ABI3BP: variants seen among roughly 807,000 people sequenced by gnomAD.
ABI3BP encodes the protein ABI family member 3 binding protein.
ABI3BP carries 216 observed loss-of-function variants against 268.6 expected under a neutral mutation model. That is an observed-to-expected ratio of 0.80 (90% CI 0.72 to 0.90). The LOEUF is 0.90. Ranked by LOEUF, ABI3BP falls within the 40% of genes least tolerant of loss-of-function variation. The probability of loss-of-function intolerance (pLI) is 0.00; values close to 1 mark genes in which losing one functional copy is unlikely to be tolerated. For missense variants in ABI3BP, 2,090 were observed against 2,182.4 expected, an observed-to-expected ratio of 0.96 and a Z score of 0.84; for synonymous variants, 730 against 730.0, an observed-to-expected ratio of 1.00 and a Z score of 0.00.
chr3:100,819,494 A>G (rs2098142498), intron 40 of ABI3BP, among the ~76,000 whole-genome samples: 1 of 152,134 alleles, frequency 6.6e-6, no homozygotes, highest in African/African-American at 2.4e-5. Flanking sequence ...TATACTACAG[A>G]GTAAGATGTG....
chr3:100,774,395 G>A (rs1013668808), intron 61 of ABI3BP, among the ~76,000 whole-genome samples: 3 of 152,136 alleles, frequency 2.0e-5, no homozygotes, highest in African/African-American at 7.2e-5. Context: ...AAGAGGCCTA[G>A]CTGTACCTGC....
chr3:100,868,847 A>G (rs2099079340), intron 9 of ABI3BP, among the ~76,000 whole-genome samples: 3 of 124,626 alleles, frequency 2.4e-5, no homozygotes, highest in Admixed American at 9.2e-5. Flanking sequence ...TAAAACGTCT[A>G]AATTTTATCA....
intron 45 of ABI3BP, among the ~76,000 whole-genome samples, 180 bp from the exon 46 acceptor site, chr3:100,812,703 T>C (rs960929269): frequency 1.3e-5 from 2 of 152,010 alleles, no homozygotes; most frequent in African/African-American, 4.8e-5. Context: ...TACGTTACCA[T>C]TAACAACCTA....
rs60261694 is a variant in ABI3BP at position 100,841,194 on chromosome 3, C to CTTTTTTTTTTTTT, written c.1766-349_1766-337dup. 1.1e-3 allele frequency among the ~76,000 whole-genome samples: 42 copies of CTTTTTTTTTTTTT among 39,632 alleles called. 2 individuals carry two copies. The highest frequency in any genetic ancestry group is 1.2e-3 in the African/African-American group (11 of 9,276). 26.0% of individuals were successfully genotyped at this position (39,632 alleles called of 152,430 possible). A position where few individuals can be genotyped will look rare whatever the true frequency, so the allele number is the denominator to read the frequency against. ...AATTGGCTAAGATGGCATTAGAACA[C>CTTTTTTTTTTTTT]TTTTTTTTTTTTTTTTTTTTTTTTT... On this transcript the variant is annotated intron_variant, in intron 21 of 67. Transcript: ENST00000471714.
chr3:100,774,648 G>T lies in ABI3BP; in HGVS notation c.4488C>A (p.Ser1496Arg). The change falls in exon 61 of 68, where the codon AGC becomes AGA. Residue 1496 changes from serine to arginine, a missense_variant. By Grantham distance (110) the Ser-to-Arg change is moderately radical. Transcript: ENST00000471714. ...ELENITDFSS[S>R]PTRETDPLGK... Reference sequence around the variant, plus strand: ...CAAGAGGATCAGTTTCTCTTGTTGGGCTTGAGCTAAAGTCAGTTATATTTT... The same window carrying T: ...CAAGAGGATCAGTTTCTCTTGTTGGTCTTGAGCTAAAGTCAGTTATATTTT... 1 of 1,583,864 alleles carries T rather than the reference G, an allele frequency of 6.3e-7. No homozygotes were observed. Among genetic ancestry groups the T allele is most frequent in the Non-Finnish European group, 8.6e-7 (1 of 1,164,096 alleles).
intron 6 of ABI3BP, among the ~76,000 whole-genome samples, chr3:100,880,415 G>A (rs1311174435): frequency 6.6e-6 from 1 of 152,172 alleles, no homozygotes; most frequent in Non-Finnish European, 1.5e-5. Context: ...TTTACTAAAT[G>A]GCAGGAAGTA....
chr3:100,956,255 A>G (rs1271704704), intron 1 of ABI3BP, among the ~76,000 whole-genome samples: 2 of 126,580 alleles, frequency 1.6e-5, no homozygotes, highest in African/African-American at 5.3e-5. Flanking sequence ...ACACACACAC[A>G]CACACATATG....
intron 1 of ABI3BP, among the ~76,000 whole-genome samples, chr3:100,986,069 T>C (rs1415474973): frequency 6.6e-6 from 1 of 152,202 alleles, no homozygotes; most frequent in East Asian, 1.9e-4. Context: ...GTGATTCAGC[T>C]ACATAAGGTT....
chr3:100,792,650 A>G lies in ABI3BP; in HGVS notation c.4024+41T>C, dbSNP rs192547080. The G allele has an allele frequency of 9.7e-5, 153 of 1,583,460 alleles. No individual in the cohort carries two copies. The African/African-American group carries it at 1.8e-3, about 19-fold the overall frequency. On this transcript the variant is annotated intron_variant, in intron 55 of 67. Coordinates refer to ENST00000471714, the MANE Select transcript of ABI3BP (RefSeq NM_001375547.2). ...AAATTTCTTTCCTGATTAAAAGCAAATAAGGAAAAGTTATTCTCCAGAGGT... is the reference window on the plus strand; with the variant it reads ...AAATTTCTTTCCTGATTAAAAGCAAGTAAGGAAAAGTTATTCTCCAGAGGT...
chr3:100,924,759 ATTT>A lies in ABI3BP; in HGVS notation c.259+1540_259+1542del, dbSNP rs567491583. Among the ~76,000 whole-genome samples the A allele has an allele frequency of 4.2e-3, 645 of 152,234 alleles. 3 individuals carry two copies. The highest frequency in any genetic ancestry group is 0.014 in the African/African-American group (598 of 41,548). ...AAATTCTCTTCAGTTTTCTGAACATATTTTTTATCAGTAATAATTTGACTTCTA... is the reference window on the plus strand; with the variant it reads ...AAATTCTCTTCAGTTTTCTGAACATATTTATCAGTAATAATTTGACTTCTA... On this transcript the variant is annotated intron_variant, in intron 2 of 67. Transcript: ENST00000471714.
At chr3:100,865,646 C>T (rs1009186497) in intron 10 of ABI3BP, among the ~76,000 whole-genome samples, 6 of 152,084 alleles carry the variant, frequency 3.9e-5, no homozygotes, top group African/African-American at 7.2e-5. Context: ...ACACAATAAC[C>T]CTGAGTAATA....
rs369316436 is a variant in ABI3BP, at chr3:100,968,281, G to T, written c.79+25025C>A. ...TTTCCTAAGGGGAATAAAATGCCAA[G>T]GAAGGAATTTCATGGATTAAAAATC... On this transcript the variant is annotated intron_variant, in intron 1 of 67. Transcript: ENST00000471714. Among the ~76,000 whole-genome samples the T allele has an allele frequency of 5.6e-4, 86 of 152,272 alleles. 2 individuals are homozygous for T. The South Asian group carries it at 0.017, about 30-fold the overall frequency.
At chr3:100,946,589 G>A (rs2072468207) in intron 1 of ABI3BP, among the ~76,000 whole-genome samples, 1 of 151,988 alleles carries the variant, frequency 6.6e-6, no homozygotes. Context: ...GGGAGTTTGA[G>A]ACCAGCCTGA....
intron 11 of ABI3BP, chr3:100,864,623 A>G: frequency 3.8e-6 from 2 of 522,462 alleles, no homozygotes; most frequent in African/African-American, 1.9e-5. Context: ...TTTGCCCAGA[A>G]GTTCAGTCAC....
At chr3:100,860,925 T>C (rs182880075) in intron 14 of ABI3BP, among the ~76,000 whole-genome samples, 8 of 152,280 alleles carry the variant, frequency 5.3e-5, no homozygotes, top group Middle Eastern at 3.4e-3. Context: ...CCATCACATA[T>C]GCCCCTAGAC....
In ABI3BP at chr3:100,775,233, G is replaced by A. The variant is rs1347383147; in HGVS notation, c.4436C>T (p.Thr1479Ile). ...CAGTTCTTCTCCAGAGGCAGGAACTGTTGGTTGCTTTATATCTGTCTCTAT... is the reference window on the plus strand; with the variant it reads ...CAGTTCTTCTCCAGAGGCAGGAACTATTGGTTGCTTTATATCTGTCTCTAT... ...ERIETDIKQP[T>I]VPASGEELEN... is the part of the protein sequence containing the mutation. The change falls in exon 60 of 68, where the codon ACA (threonine) becomes ATA (isoleucine). Residue 1479 changes from threonine (T) to isoleucine (I), a missense_variant. By Grantham distance (89) the Thr-to-Ile change is moderately conservative. Coordinates refer to ENST00000471714, the MANE Select transcript of ABI3BP (RefSeq NM_001375547.2). 2 of 1,612,412 alleles carry A rather than the reference G, an allele frequency of 1.2e-6. No homozygotes were observed. The highest frequency in any genetic ancestry group is 1.7e-5 in the Admixed American group (1 of 59,868).
At chr3:100,768,236 C>A (rs1224705387) in intron 62 of ABI3BP, among the ~76,000 whole-genome samples, 1 of 151,914 alleles carries the variant, frequency 6.6e-6, no homozygotes, top group Non-Finnish European at 1.5e-5. Context: ...CTACAGGCGC[C>A]CGCCACCACA....
chr3:100,749,871 CTT>C lies in ABI3BP; in HGVS notation c.*622_*623del. ...CTGAAATGAAATTTACTGATTCAAT[CTT>C]TTTAAGAATTTGTGGATGTTTAAAG... On this transcript the variant is annotated 3_prime_UTR_variant, in exon 68 of 68. Transcript: ENST00000471714. 2.5e-6 allele frequency: 1 copy of C among 395,708 alleles called. No individual in the cohort carries two copies. The highest frequency in any genetic ancestry group is 4.5e-6 in the Non-Finnish European group (1 of 224,610). 24.5% of individuals were successfully genotyped at this position (395,708 alleles called of 1,614,324 possible).
At position 100,940,580 on chromosome 3, in the gene ABI3BP, G is replaced by A. The variant is rs191984056; in HGVS notation, c.80-14099C>T. Among the ~76,000 whole-genome samples, 391 of 150,320 alleles carry A rather than the reference G, an allele frequency of 2.6e-3. 1 individual carries two copies. The highest frequency in any genetic ancestry group is 9.0e-3 in the African/African-American group (369 of 40,948). Reference sequence around the variant, plus strand: ...ATAACGGTAACCAACCTACCATTCCGACCTTTCCTCATAGGCCTCAAGCCA... The same window carrying A: ...ATAACGGTAACCAACCTACCATTCCAACCTTTCCTCATAGGCCTCAAGCCA... On this transcript the variant is annotated intron_variant, in intron 1 of 67. Coordinates refer to ENST00000471714, the MANE Select transcript of ABI3BP (RefSeq NM_001375547.2).
Sources: gnomAD v4.1 joint callset for allele counts (sites outside exome capture counted in the v4.1 genomes callset) on GRCh38, gnomAD v4.1.1 for gene constraint, MANE v1.5 for transcripts, NCBI Gene and HGNC (gene_info 2026-07-23, HGNC 2026-07-21) for gene names.